Variants in DCTD observed in about 807,000 individuals in gnomAD.
DCTD encodes dCMP deaminase.
Under a neutral mutation model 21.0 loss-of-function variants are expected in DCTD, and 23 were observed. That is an observed-to-expected ratio of 1.09 (90% CI 0.79 to 1.55). The LOEUF is 1.55. Ranked by LOEUF, DCTD falls within the 40% of genes most tolerant of loss-of-function variation. The pLI, the probability that DCTD is intolerant of heterozygous loss-of-function variation, is 0.00. For missense variants in DCTD, 224 were observed against 230.0 expected (o/e 0.97, Z 0.17); for synonymous variants, 71 against 81.1 (o/e 0.88, Z 0.67).
Position 182,894,542 on chromosome 4 carries a change from ATAC to A in DCTD, c.305_307del (p.Ser102del). 1 of 1,614,128 alleles carries A rather than the reference ATAC, an allele frequency of 6.2e-7. No homozygotes were observed. The highest frequency in any genetic ancestry group is 8.5e-7 in the Non-Finnish European group (1 of 1,179,952). ...ATTACAAGGGAACAAGGCAACATAC[ATAC>A]TACAGCCTTTCACATCGGTCGAATT... is the stretch of plus-strand genomic sequence containing the variant. On this transcript the variant is annotated inframe_deletion, in exon 4 of 6. Coordinates refer to ENST00000438320, the MANE Select transcript of DCTD (RefSeq NM_001921.3).
At chr4:182,892,393 C>T (rs769438218) in intron 5 of DCTD, among the ~76,000 whole-genome samples, 7 of 152,114 alleles carry the variant, frequency 4.6e-5, no homozygotes, top group Non-Finnish European at 8.8e-5. Flanking sequence ...AAAAGAATCC[C>T]CAGGTGGCTC....
chr4:182,894,510 C>T lies in DCTD; in HGVS notation c.340G>A (p.Ala114Thr), dbSNP rs764782245. 8.7e-6 allele frequency: 14 copies of T among 1,612,244 alleles called. No individual in the cohort carries two copies. The highest frequency in any genetic ancestry group is 5.5e-5 in the South Asian group (5 of 91,056). Residue 114 changes from alanine to threonine, a missense_variant, in exon 4 of 6, where the codon GCT becomes ACT. Ala to Thr is a moderately conservative substitution (Grantham distance 58, BLOSUM62 0). Transcript: ENST00000438320. ...YVALFPCNEC[A>T]KLIIQAGIKE... ...CTACCTGCCTGGATGATGAGCTTAG[C>T]GCATTCATTACAAGGGAACAAGGCA...
At chr4:182,900,543 T>G (rs918273165) in intron 3 of DCTD, among the ~76,000 whole-genome samples, 1 of 151,780 alleles carries the variant, frequency 6.6e-6, no homozygotes, top group Non-Finnish European at 1.5e-5. Context: ...GGAATAAGGA[T>G]CAAGTATTTC....
Position 182,891,156 on chromosome 4 carries a change from T to C in DCTD, c.*243A>G. The C allele has an allele frequency of 4.5e-6, 2 of 442,776 alleles. No homozygotes were observed. Among genetic ancestry groups the C allele is most frequent in the Middle Eastern group, 1.2e-3 (2 of 1,676 alleles). The allele number at this position is 442,776 out of a possible 1,614,324, so 27.4% of individuals were successfully genotyped here. A position where few individuals can be genotyped will look rare whatever the true frequency, so the allele number is the denominator to read the frequency against. ...ACAAGAAGGGGAGGCACTCTCGTTC[T>C]AGCCCTGTGCACCAGGCCACCACAG... is the stretch of plus-strand genomic sequence containing the variant. On this transcript the variant is annotated 3_prime_UTR_variant, in exon 6 of 6. Transcript: ENST00000438320.
chr4:182,891,226 G>C lies in DCTD; in HGVS notation c.*173C>G, dbSNP rs2152853013. ...TAAAGCAATAGTTCAAACACATGTA[G>C]ATTCCATGTGACAAGAGAGACAGTA... is the stretch of plus-strand genomic sequence containing the variant. On this transcript the variant is annotated 3_prime_UTR_variant, in exon 6 of 6. Transcript: ENST00000438320. The C allele has an allele frequency of 1.6e-6, 1 of 620,372 alleles. No individual in the cohort carries two copies. The highest frequency in any genetic ancestry group is 1.8e-5 in the African/African-American group (1 of 55,140). The allele number at this position is 620,372 out of a possible 1,614,324, so 38.4% of individuals were successfully genotyped here.
At chr4:182,916,591 T>G (rs1738774873) in intron 1 of DCTD, 1 of 993,060 alleles carries the variant, frequency 1.0e-6, no homozygotes, top group Non-Finnish European at 1.2e-6. Context: ...GGTCACCCAC[T>G]GATTACGCTG....
At chr4:182,896,354 G>C (rs1257114725) in intron 3 of DCTD, among the ~76,000 whole-genome samples, 1 of 152,226 alleles carries the variant, frequency 6.6e-6, no homozygotes, top group Non-Finnish European at 1.5e-5. Context: ...AGCTCTCTCA[G>C]GAAATGTTAG....
chr4:182,892,580 G>GAT (rs1733980860), intron 5 of DCTD, among the ~76,000 whole-genome samples: 3 of 151,736 alleles, frequency 2.0e-5, no homozygotes, highest in Non-Finnish European at 4.4e-5. Context: ...AGTGAGCCAG[G>GAT]ATCGCACCAC....
At chr4:182,910,747 T>C (rs1447018691) in intron 3 of DCTD, among the ~76,000 whole-genome samples, 1 of 152,198 alleles carries the variant, frequency 6.6e-6, no homozygotes. Flanking sequence ...GGAATTTTCA[T>C]TTTCCACATT....
intron 4 of DCTD, among the ~76,000 whole-genome samples, chr4:182,893,885 T>C (rs1202037230): frequency 1.3e-5 from 2 of 152,230 alleles, no homozygotes; most frequent in Non-Finnish European, 2.9e-5. Flanking sequence ...TGGCTAAACA[T>C]GGTAAGTCTT....
At chr4:182,902,325 T>G (rs1735889652) in intron 3 of DCTD, among the ~76,000 whole-genome samples, 1 of 152,234 alleles carries the variant, frequency 6.6e-6, no homozygotes, top group African/African-American at 2.4e-5. Flanking sequence ...CTCTCTATCT[T>G]ATCTCTCCTG....
chr4:182,914,263 CT>C (rs944634510), intron 3 of DCTD, among the ~76,000 whole-genome samples: 4 of 152,240 alleles, frequency 2.6e-5, no homozygotes, highest in African/African-American at 9.6e-5. Context: ...CCGTCTCCAC[CT>C]CCCAAAGTGT....
At chr4:182,912,173 A>G (rs1253967881) in intron 3 of DCTD, among the ~76,000 whole-genome samples, 1 of 151,678 alleles carries the variant, frequency 6.6e-6, no homozygotes, top group Non-Finnish European at 1.5e-5. Context: ...AAGACTTTGC[A>G]TTTGAGTCAA....
rs778478174 is a variant in DCTD, at chr4:182,891,400, C to T, written c.536G>A (p.Ter179=). The T allele has an allele frequency of 5.6e-6, 9 of 1,600,176 alleles. No homozygotes were observed. Among genetic ancestry groups the T allele is most frequent in the Admixed American group, 5.0e-5 (3 of 59,964 alleles). ...INSRPSQKLQ[*] is the part of the protein sequence containing the mutation. Reference sequence around the variant, plus strand: ...TCTGGAGATTGAATGAGATGTAACTCACTGAAGCTTTTGACTCGGTCTGCT... The same window carrying T: ...TCTGGAGATTGAATGAGATGTAACTTACTGAAGCTTTTGACTCGGTCTGCT... Residue 179 remains the stop codon, a stop_retained_variant, in exon 6 of 6, where the codon TGA becomes TAA. Transcript: ENST00000438320.
rs574998725 is a variant in DCTD at position 182,905,485 on chromosome 4, C to T, written c.244+9438G>A. On this transcript the variant is annotated intron_variant, in intron 3 of 5. Transcript: ENST00000438320. ...CTGGGACTACAGGCACGCACCAACA[C>T]GCCCAGCTAATTTTTGTATTTTTAG... is the stretch of plus-strand genomic sequence containing the variant. Among the ~76,000 whole-genome samples the T allele has an allele frequency of 3.4e-3, 516 of 152,132 alleles. 3 individuals carry two copies. The highest frequency in any genetic ancestry group is 0.012 in the African/African-American group (488 of 41,500).
Position 182,891,485 on chromosome 4 carries a change from TAAAA to T in DCTD, c.459-12_459-9del, listed in dbSNP as rs781342830. On this transcript the variant is annotated splice_polypyrimidine_tract_variant and intron_variant, in intron 5 of 5. Coordinates refer to ENST00000438320, the MANE Select transcript of DCTD (RefSeq NM_001921.3). ...CACTTCGGTATGAATTTCCTAAAAA[TAAAA>T]ACAAAATACAATTATTATCTGGTGA... 4 of 1,591,540 alleles carry T rather than the reference TAAAA, an allele frequency of 2.5e-6. No homozygotes were observed. In the East Asian group the frequency reaches 8.9e-5, roughly 36 times the overall value.
intron 1 of DCTD, 190 bp from the exon 2 acceptor site, chr4:182,915,765 C>A: frequency 1.2e-6 from 1 of 833,128 alleles, no homozygotes; most frequent in South Asian, 2.3e-5. Context: ...TAAGAAATTT[C>A]CTATTTCAGA....
intron 3 of DCTD, among the ~76,000 whole-genome samples, chr4:182,898,768 C>T (rs899736919): frequency 2.0e-5 from 3 of 152,140 alleles, no homozygotes; most frequent in Non-Finnish European, 4.4e-5. Flanking sequence ...ATCATCCTAT[C>T]TACAATTGTT....
chr4:182,909,915 C>A (rs1737375072), intron 3 of DCTD, among the ~76,000 whole-genome samples: 1 of 152,196 alleles, frequency 6.6e-6, no homozygotes, highest in Non-Finnish European at 1.5e-5. Context: ...CCCACACTGG[C>A]AAAGGTGTTT....
Sources: allele counts gnomAD v4.1 joint callset (sites outside exome capture counted in the v4.1 genomes callset), GRCh38; gene constraint gnomAD v4.1.1; transcripts MANE v1.5; gene names NCBI Gene and HGNC (gene_info 2026-07-23, HGNC 2026-07-21).